The following KCTD13 variants were observed in gnomAD, a reference collection of about 807,000 sequenced individuals.
KCTD13 encodes potassium channel tetramerization domain containing 13.
KCTD13 carries 15 observed loss-of-function variants against 32.3 expected under a neutral mutation model. The ratio of observed to expected loss-of-function variants is 0.46; its 90% confidence interval spans 0.31 to 0.71. KCTD13 has a LOEUF of 0.71. Among genes scored for constraint, KCTD13 ranks in the 30% least tolerant of loss-of-function variants. The pLI, the probability that KCTD13 is intolerant of heterozygous loss-of-function variation, is 0.05. For missense variants in KCTD13, 337 were observed against 452.6 expected (o/e 0.74, Z 2.32); for synonymous variants, 189 against 200.1 (o/e 0.94, Z 0.47).
At chr16:29,917,775 T>C (rs116805367) in intron 2 of KCTD13, among the ~76,000 whole-genome samples, 4,416 of 151,370 alleles carry the variant, frequency 0.029, 217 homozygotes, top group African/African-American at 0.1. Flanking sequence ...TGAGACTCCA[T>C]TTAGAAAAAT....
In KCTD13 at chr16:29,911,751, G is replaced by C. The variant is rs560100223; in HGVS notation, c.557+64C>G. On this transcript the variant is annotated intron_variant, in intron 4 of 5. Coordinates refer to ENST00000568000, the MANE Select transcript of KCTD13 (RefSeq NM_178863.5). ...CCCGTGTGGCCGTGGCCCTCGCCTTGGGCAGAAGCAGGGCTGTGCTGCATC... is the reference window on the plus strand; with the variant it reads ...CCCGTGTGGCCGTGGCCCTCGCCTTCGGCAGAAGCAGGGCTGTGCTGCATC... The C allele has an allele frequency of 2.0e-5, 31 of 1,576,256 alleles. No homozygotes were observed. In the African/African-American group the frequency reaches 3.5e-4, roughly 18 times the overall value.
chr16:29,915,028 A>G (rs1003698782), intron 2 of KCTD13: 1 of 152,102 alleles, frequency 6.6e-6, no homozygotes, highest in African/African-American at 2.4e-5. Flanking sequence ...AGTCATACAT[A>G]TAAGTCACTG....
chr16:29,911,193 G>T lies in KCTD13; in HGVS notation c.558-20C>A, dbSNP rs1326362197. ...GAAGTGCTGGGGACCAGGGGACCAG[G>T]AGGCCTCAGCGCAGTTGGCACCCCT... is the stretch of plus-strand genomic sequence containing the variant. On this transcript the variant is annotated intron_variant, in intron 4 of 5. Coordinates refer to ENST00000568000, the MANE Select transcript of KCTD13 (RefSeq NM_178863.5). 3 of 1,608,174 alleles carry T rather than the reference G, an allele frequency of 1.9e-6. No individual in the cohort carries two copies. Among genetic ancestry groups the T allele is most frequent in the African/African-American group, 2.7e-5 (2 of 74,960 alleles).
rs1379891732 is a variant in KCTD13 at position 29,911,592 on chromosome 16, A to T, written c.557+223T>A. On this transcript the variant is annotated intron_variant, in intron 4 of 5. Transcript: ENST00000568000. Reference sequence around the variant, plus strand: ...GAGCACTTGGGATAGGCTCGCCACTATCACTTTGTCCTCACCCAAACCCAT... The same window carrying T: ...GAGCACTTGGGATAGGCTCGCCACTTTCACTTTGTCCTCACCCAAACCCAT... 12 of 598,160 alleles carry T rather than the reference A, an allele frequency of 2.0e-5. No homozygotes were observed. The East Asian group carries it at 3.3e-4, about 17-fold the overall frequency. 37.1% of individuals were successfully genotyped at this position (598,160 alleles called of 1,614,324 possible). A position where few individuals can be genotyped will look rare whatever the true frequency, so the allele number is the denominator to read the frequency against.
intron 2 of KCTD13, chr16:29,919,816 AT>A (rs1461937653): frequency 3.3e-5 from 5 of 152,166 alleles, no homozygotes; most frequent in Admixed American, 3.3e-4. Flanking sequence ...TTTTTAGATT[AT>A]TTGTGTTTCT....
chr16:29,911,708 AG>A, intron 4 of KCTD13, 106 bp downstream of exon 4: 1 of 1,211,732 alleles, frequency 8.3e-7, no homozygotes, highest in African/African-American at 1.5e-5. Flanking sequence ...GAGCAGGCAC[AG>A]ATGTTCTTGT....
In KCTD13 at chr16:29,906,747, C is replaced by T; in HGVS notation, c.*125G>A. On this transcript the variant is annotated 3_prime_UTR_variant, in exon 6 of 6. Coordinates refer to ENST00000568000, the MANE Select transcript of KCTD13 (RefSeq NM_178863.5). Reference sequence around the variant, plus strand: ...AAGGGCCAAAGTGAGCTGTGCCATGCAATGAAGGGACAGAGGAGGACCCAC... The same window carrying T: ...AAGGGCCAAAGTGAGCTGTGCCATGTAATGAAGGGACAGAGGAGGACCCAC... The T allele has an allele frequency of 1.3e-6, 1 of 754,954 alleles. No homozygotes were observed. 46.8% of individuals were successfully genotyped at this position (754,954 alleles called of 1,614,324 possible). A position where few individuals can be genotyped will look rare whatever the true frequency, so the allele number is the denominator to read the frequency against.
intron 4 of KCTD13, 117 bp downstream of exon 4, chr16:29,911,698 G>T: frequency 1.8e-6 from 2 of 1,090,052 alleles, no homozygotes; most frequent in South Asian, 2.7e-5. Flanking sequence ...CCGAATCTGC[G>T]AGCAGGCACA....
intron 2 of KCTD13, among the ~76,000 whole-genome samples, chr16:29,917,294 A>G (rs1339648982): frequency 1.3e-5 from 2 of 152,128 alleles, no homozygotes; most frequent in Non-Finnish European, 2.9e-5. Flanking sequence ...CTTCACAATC[A>G]TATTTACAAA....
intron 1 of KCTD13, among the ~76,000 whole-genome samples, chr16:29,924,818 A>G (rs1309713499): frequency 6.6e-6 from 1 of 150,684 alleles, no homozygotes; most frequent in African/African-American, 2.4e-5. Flanking sequence ...TCCCAGGTTC[A>G]AGCGATTCTC....
chr16:29,911,133 C>G lies in KCTD13; in HGVS notation c.598G>C (p.Asp200His). 6.2e-7 allele frequency: 1 copy of G among 1,614,158 alleles called. No homozygotes were observed. Among genetic ancestry groups the G allele is most frequent in the Non-Finnish European group, 8.5e-7 (1 of 1,180,012 alleles). Residue 200 changes from aspartate (D) to histidine (H), a missense_variant, in exon 5 of 6, where the codon GAC becomes CAC. Around this residue, in one of 3 missense-constraint regions of KCTD13, gnomAD observed 252 missense variants for 340.2 expected, o/e 0.74. Coordinates refer to ENST00000568000, the MANE Select transcript of KCTD13 (RefSeq NM_178863.5). ...DNLLKNIELF[D>H]KLALRFHGRL... is the part of the protein sequence containing the mutation. ...CCGTGGAAGCGCAGGGCCAGCTTGT[C>G]GAACAGCTCGATGTTCTTAAGTAGG...
intron 4 of KCTD13, 97 bp downstream of exon 4, chr16:29,911,718 G>A: frequency 7.5e-7 from 1 of 1,327,334 alleles, no homozygotes; most frequent in Non-Finnish European, 1.1e-6. Context: ...AGATGTTCTT[G>A]TAGGCCCCCC....
intron 2 of KCTD13, chr16:29,919,367 G>A (rs558480707): frequency 3.9e-5 from 6 of 152,194 alleles, no homozygotes; most frequent in Admixed American, 2.0e-4. Context: ...AATGCTTATG[G>A]TATTATTATG....
In KCTD13 at chr16:29,923,307, G is replaced by A. The variant is rs1421189680; in HGVS notation, c.297C>T (p.Tyr99=). 3.1e-6 allele frequency: 5 copies of A among 1,614,032 alleles called. No individual in the cohort carries two copies. Among genetic ancestry groups the A allele is most frequent in the Non-Finnish European group, 4.2e-6 (5 of 1,180,026 alleles). ...SGRHFGTILN[Y]LRDGSVPLPE... ...GCAGTGGCACAGACCCATCCCGCAGGTAATTGAGGATTGTACCAAAGTGAC... is the reference window on the plus strand; with the variant it reads ...GCAGTGGCACAGACCCATCCCGCAGATAATTGAGGATTGTACCAAAGTGAC... The change falls in exon 2 of 6, where the codon TAC becomes TAT. Residue 99 remains tyrosine (Y), a synonymous_variant. Coordinates refer to ENST00000568000, the MANE Select transcript of KCTD13 (RefSeq NM_178863.5).
At position 29,923,213 on chromosome 16, in the gene KCTD13, C is replaced by T. The variant is rs1199229753; in HGVS notation, c.391G>A (p.Glu131Lys). 3 of 1,614,216 alleles carry T rather than the reference C, an allele frequency of 1.9e-6. No homozygotes were observed. Among genetic ancestry groups the T allele is most frequent in the Non-Finnish European group, 2.5e-6 (3 of 1,180,022 alleles). Residue 131 changes from glutamate to lysine, a missense_variant, in exon 2 of 6, where the codon GAG (glutamate) becomes AAG (lysine). Physicochemically the swap from Glu to Lys is moderately conservative, Grantham distance 56 (BLOSUM62 1). This residue lies in a region of KCTD13 where 252 missense variants were observed against 340.2 expected (regional missense o/e 0.74). Transcript: ENST00000568000. ...ACCTGCAGCGCCAGCTGGCAGTCCT[C>T]AATCAGGCCCTGCACCAGGTAGTAG... ...ARYYLVQGLI[E>K]DCQLALQQKR... is the part of the protein sequence containing the mutation.
chr16:29,916,147 A>T (rs2068805481), intron 2 of KCTD13, among the ~76,000 whole-genome samples: 1 of 152,068 alleles, frequency 6.6e-6, no homozygotes, highest in Non-Finnish European at 1.5e-5. Context: ...CTACACAAGG[A>T]TCTCCTTTCC....
At chr16:29,914,562 C>T (rs2068776069) in intron 2 of KCTD13, 1 of 152,124 alleles carries the variant, frequency 6.6e-6, no homozygotes, top group South Asian at 2.1e-4. Flanking sequence ...CCTCAGCATC[C>T]CAAGTAGCTG....
chr16:29,925,776 G>C lies in KCTD13; in HGVS notation c.244+14C>G. 6.2e-7 allele frequency: 1 copy of C among 1,612,018 alleles called. No homozygotes were observed. Among genetic ancestry groups the C allele is most frequent in the Non-Finnish European group, 8.5e-7 (1 of 1,179,552 alleles). ...GGGTCTGGGGTGGGGGCACGGTAGG[G>C]GCGCCGCTCGTACCTCCGGCATCGG... On this transcript the variant is annotated intron_variant, in intron 1 of 5. Transcript: ENST00000568000.
At chr16:29,925,536 T>C in intron 1 of KCTD13, 1 of 559,272 alleles carries the variant, frequency 1.8e-6, no homozygotes, top group Non-Finnish European at 3.2e-6. Flanking sequence ...TTCAATCACT[T>C]ACCACAGCGC....
Sources: allele counts gnomAD v4.1 joint callset (sites outside exome capture counted in the v4.1 genomes callset), GRCh38; gene constraint gnomAD v4.1.1; regional missense constraint gnomAD v4.1.1; transcripts MANE v1.5; gene names NCBI Gene and HGNC (gene_info 2026-07-23, HGNC 2026-07-21).